CCND3: variants seen among roughly 807,000 people sequenced by gnomAD.
CCND3 encodes G1/S-specific cyclin-D3.
A neutral mutation model predicts 28.7 loss-of-function variants in CCND3; 9 were observed. The observed-to-expected ratio is 0.31, with a 90% CI of 0.19 to 0.55. CCND3 has a LOEUF of 0.55. Among genes scored for constraint, CCND3 ranks in the 20% least tolerant of loss-of-function variants. The probability of loss-of-function intolerance (pLI) is 0.93; values close to 1 mark genes in which losing one functional copy is unlikely to be tolerated. For synonymous variants in CCND3, 164 were observed against 163.9 expected (o/e 1.00, Z 0.00); for missense variants, 315 against 385.8 (o/e 0.82, Z 1.54).
chr6:41,948,492 C>T (rs1458294699), intron 1 of CCND3, among the ~76,000 whole-genome samples: 1 of 152,026 alleles, frequency 6.6e-6, no homozygotes, highest in African/African-American at 2.4e-5. Flanking sequence ...TGCACTACCA[C>T]GTCTGGCTCA....
chr6:41,973,965 C>CT (rs1360688927), intron 1 of CCND3, among the ~76,000 whole-genome samples: 2 of 152,170 alleles, frequency 1.3e-5, no homozygotes, highest in African/African-American at 4.8e-5. Context: ...GGTGGATCAC[C>CT]TGAGGTCAAG....
chr6:41,937,729 G>C (rs1775855796), intron 2 of CCND3: 1 of 319,764 alleles, frequency 3.1e-6, no homozygotes, highest in South Asian at 3.9e-5. Context: ...TCTCCAGCCA[G>C]GGCTGAAAGA....
chr6:41,988,762 G>C (rs551947289), intron 1 of CCND3, among the ~76,000 whole-genome samples: 1 of 147,200 alleles, frequency 6.8e-6, no homozygotes, highest in Non-Finnish European at 1.5e-5. Flanking sequence ...GCAGTGGCGC[G>C]ATGTCGGCTC....
rs1775950131 is a variant in CCND3 at position 41,940,282 on chromosome 6, G to A, written c.414+88C>T. ...GATCCCCTTGCTTCCTCTCCAGGGGGCAGAAAGCCTCTGATATCTCAAGCT... is the reference window on the plus strand; with the variant it reads ...GATCCCCTTGCTTCCTCTCCAGGGGACAGAAAGCCTCTGATATCTCAAGCT... On this transcript the variant is annotated intron_variant, in intron 2 of 4. Coordinates refer to ENST00000372991, the MANE Select transcript of CCND3 (RefSeq NM_001760.5). 4 of 1,179,608 alleles carry A rather than the reference G, an allele frequency of 3.4e-6. No homozygotes were observed. The Admixed American group carries it at 5.1e-5, about 15-fold the overall frequency. The allele number at this position is 1,179,608 out of a possible 1,614,324, so 73.1% of individuals were successfully genotyped here.
At chr6:42,036,395 ATATATATATT>A (rs1764213934) in intron 1 of CCND3, among the ~76,000 whole-genome samples, 2 of 41,052 alleles carry the variant, frequency 4.9e-5, no homozygotes, top group African/African-American at 1.0e-4. Flanking sequence ...ATATATATAT[ATATATATATT>A]TTTTTTTTTT....
At chr6:41,953,014 G>A (rs1373505805) in intron 1 of CCND3, among the ~76,000 whole-genome samples, 5 of 152,198 alleles carry the variant, frequency 3.3e-5, no homozygotes, top group African/African-American at 7.2e-5. Flanking sequence ...GCTTATGCCT[G>A]TAATCCCAGC....
intron 1 of CCND3, among the ~76,000 whole-genome samples, chr6:42,024,911 A>T (rs561942096): frequency 2.8e-4 from 43 of 152,128 alleles, no homozygotes; most frequent in Admixed American, 6.5e-4. Flanking sequence ...ATACAAAATT[A>T]GCCCAGTGTG....
At chr6:41,977,373 T>G (rs6458251) in intron 1 of CCND3, among the ~76,000 whole-genome samples, 108,199 of 152,008 alleles carry the variant, frequency 0.71, 38,789 homozygotes, top group African/African-American at 0.81. Flanking sequence ...GTACTTTATT[T>G]TTTTCTTTTT....
At chr6:41,989,266 C>A (rs1762583061) in intron 1 of CCND3, among the ~76,000 whole-genome samples, 1 of 151,804 alleles carries the variant, frequency 6.6e-6, no homozygotes, top group Non-Finnish European at 1.5e-5. Context: ...CGAGATCGGC[C>A]TGGCCAACAT....
chr6:41,963,181 C>G (rs1344930798), intron 1 of CCND3, among the ~76,000 whole-genome samples: 1 of 152,250 alleles, frequency 6.6e-6, no homozygotes. Flanking sequence ...TTTTGCTCAG[C>G]TCACACACTT....
At chr6:41,960,098 A>G (rs1761680646) in intron 1 of CCND3, among the ~76,000 whole-genome samples, 2 of 152,254 alleles carry the variant, frequency 1.3e-5, no homozygotes, top group Admixed American at 1.3e-4. Context: ...ATGAGTCCTG[A>G]AACCATCACG....
In CCND3 at chr6:42,048,897, G is replaced by A. The variant is rs1255358562; in HGVS notation, c.-442C>T. The A allele has an allele frequency of 3.7e-6, 1 of 266,816 alleles. No individual in the cohort carries two copies. Among genetic ancestry groups the A allele is most frequent in the Non-Finnish European group, 7.2e-6 (1 of 138,376 alleles). 16.5% of individuals were successfully genotyped at this position (266,816 alleles called of 1,614,324 possible). On this transcript the variant is annotated 5_prime_UTR_variant, in exon 1 of 5. Transcript: ENST00000372988. This position sits in a 1 kb window ranked among gnomAD's most constrained non-coding sequence, Gnocchi z 4.7. ...CCCCCGCCCCACGCGGCATAGGTGC[G>A]GGGGCGGGGCGCCACGGAGGCTCAG... is the stretch of plus-strand genomic sequence containing the variant.
intron 1 of CCND3, among the ~76,000 whole-genome samples, chr6:41,996,399 C>T (rs928823737): frequency 2.0e-5 from 3 of 151,744 alleles, no homozygotes; most frequent in Non-Finnish European, 4.4e-5. Context: ...ATCCGCTCGC[C>T]TCGGCCTCCC....
At chr6:41,980,948 C>A (rs371991936) in intron 1 of CCND3, among the ~76,000 whole-genome samples, 16 of 152,126 alleles carry the variant, frequency 1.1e-4, no homozygotes, top group African/African-American at 3.4e-4. Context: ...AAACTAGAAG[C>A]TTTCCCACAA....
intron 1 of CCND3, among the ~76,000 whole-genome samples, chr6:41,974,277 G>C (rs1762109282): frequency 6.6e-6 from 1 of 152,186 alleles, no homozygotes; most frequent in Non-Finnish European, 1.5e-5. Flanking sequence ...AACTCCACGA[G>C]TGATTTCTAA....
rs190815006 is a variant in CCND3, at chr6:41,985,155, C to T, written c.-45-44570G>A. ...TGCTATACAGAGTTTTAGTTTGATG[C>T]AATCCCATTTATCCATTTTTGCTTT... On this transcript the variant is annotated intron_variant, in intron 1 of 4. Transcript: ENST00000372988. Among the ~76,000 whole-genome samples, 140 of 152,130 alleles carry T rather than the reference C, an allele frequency of 9.2e-4. 1 individual carries two copies. Among genetic ancestry groups the T allele is most frequent in the Non-Finnish European group, 2.5e-4 (17 of 68,010 alleles).
intron 1 of CCND3, among the ~76,000 whole-genome samples, chr6:41,996,959 G>T (rs1387531893): frequency 6.6e-6 from 1 of 152,134 alleles, no homozygotes; most frequent in Non-Finnish European, 1.5e-5. Context: ...CACAGCACCT[G>T]GCCATCTTAC....
At chr6:42,000,562 A>ATTTTT (rs1458063924) in intron 1 of CCND3, among the ~76,000 whole-genome samples, 1 of 13,996 alleles carries the variant, frequency 7.1e-5, no homozygotes, top group African/African-American at 2.0e-4. Flanking sequence ...GGTGAAACGA[A>ATTTTT]TCTTTTTTTT....
chr6:42,009,620 A>AAAAACAAAACAAAACAAAAC (rs61144625), intron 1 of CCND3, among the ~76,000 whole-genome samples: 2 of 150,390 alleles, frequency 1.3e-5, no homozygotes, highest in Non-Finnish European at 3.0e-5. Flanking sequence ...TTCAAAACAA[A>AAAAACAAAACAAAACAAAAC]AAAACAAAAC....
Sources: allele counts gnomAD v4.1 joint callset (sites outside exome capture counted in the v4.1 genomes callset), GRCh38; gene constraint gnomAD v4.1.1; non-coding constraint Gnocchi (gnomAD v3.1); transcripts MANE v1.5; gene names NCBI Gene and HGNC (gene_info 2026-07-23, HGNC 2026-07-21).